The following FAM20C variants were observed in gnomAD, a reference collection of about 807,000 sequenced individuals.
FAM20C encodes the protein extracellular serine/threonine protein kinase FAM20C.
A neutral mutation model predicts 51.5 loss-of-function variants in FAM20C; 40 were observed. The ratio of observed to expected loss-of-function variants is 0.78; its 90% CI spans 0.60 to 1.01. FAM20C has a LOEUF of 1.01. Among genes scored for constraint, FAM20C ranks in the 50% least tolerant of loss-of-function variants. The pLI, the probability that FAM20C is intolerant of heterozygous loss-of-function variation, is 0.00. For missense variants in FAM20C, 861 were observed against 844.7 expected, an observed-to-expected ratio of 1.02 and a Z score of -0.24; for synonymous variants, 406 against 380.6, an observed-to-expected ratio of 1.07 and a Z score of -0.78.
chr7:210,008 T>C (rs1786628549), intron 3 of FAM20C, among the ~76,000 whole-genome samples: 1 of 151,984 alleles, frequency 6.6e-6, no homozygotes, highest in Non-Finnish European at 1.5e-5. Flanking sequence ...GACCCGGGGC[T>C]GCCGGGAGCC....
chr7:207,690 C>T (rs1046157016), intron 2 of FAM20C, among the ~76,000 whole-genome samples: 1 of 152,228 alleles, frequency 6.6e-6, no homozygotes, highest in Non-Finnish European at 1.5e-5. Flanking sequence ...CTGGTGTGGC[C>T]CCGTGAGGCC....
chr7:220,731 A>G (rs1787224486), intron 3 of FAM20C, among the ~76,000 whole-genome samples: 2 of 152,070 alleles, frequency 1.3e-5, no homozygotes, highest in South Asian at 2.1e-4. Flanking sequence ...GGAGGGCGGG[A>G]CCCGTGCACA....
intron 2 of FAM20C, among the ~76,000 whole-genome samples, chr7:205,468 G>A (rs1002924515): frequency 3.3e-5 from 5 of 152,102 alleles, no homozygotes; most frequent in Non-Finnish European, 5.9e-5. Flanking sequence ...TCAAACACTC[G>A]GCCTCGAGCA....
At chr7:215,095 C>T (rs912331961) in intron 3 of FAM20C, among the ~76,000 whole-genome samples, 1 of 151,866 alleles carries the variant, frequency 6.6e-6, no homozygotes, top group South Asian at 2.1e-4. Context: ...CTACGTGTGT[C>T]CAGTCTCCCA....
intron 2 of FAM20C, chr7:197,316 G>A (rs74674686): frequency 0.072 from 11,997 of 167,148 alleles, 777 homozygotes; most frequent in Admixed American, 0.23. Context: ...CAGCCAGGCC[G>A]TGTGGAGAGG....
intron 2 of FAM20C, among the ~76,000 whole-genome samples, chr7:202,926 G>C (rs1418545202): frequency 6.6e-6 from 1 of 152,216 alleles, no homozygotes. Flanking sequence ...TGCATGATAT[G>C]TTTTTATTGC....
At position 195,687 on chromosome 7, in the gene FAM20C, G is replaced by A. The variant is rs374098657; in HGVS notation, c.739G>A (p.Glu247Lys). Residue 247 changes from glutamate (E) to lysine (K), a missense_variant, in exon 2 of 10, where the codon GAG becomes AAG. Glu to Lys is a moderately conservative substitution (Grantham distance 56). Transcript: ENST00000313766. ...GTACTCCAGACACAACCCGGCCATC[G>A]AGGCCCTGCTGCACGACCTCAGCTC... ...ELYSRHNPAI[E>K]ALLHDLSSQR... The A allele has an allele frequency of 1.4e-4, 233 of 1,611,046 alleles. 1 individual carries two copies. The South Asian group carries it at 1.8e-3, about 12-fold the overall frequency.
chr7:233,451 G>A (rs1787759245), intron 3 of FAM20C, among the ~76,000 whole-genome samples: 1 of 152,176 alleles, frequency 6.6e-6, no homozygotes, highest in Non-Finnish European at 1.5e-5. Context: ...ACAAATCACG[G>A]CAAACGCAGT....
chr7:244,041 C>A (rs1052368852), intron 3 of FAM20C, among the ~76,000 whole-genome samples: 1 of 151,712 alleles, frequency 6.6e-6, no homozygotes, highest in Admixed American at 6.6e-5. Context: ...CTCAGGTGAT[C>A]CTCCCATCTC....
intron 3 of FAM20C, chr7:229,254 A>G (rs1787567872): frequency 4.3e-6 from 1 of 232,810 alleles, no homozygotes; most frequent in Admixed American, 5.1e-5. Flanking sequence ...CTTTTCTGTG[A>G]GGAATGCATT....
In FAM20C at chr7:192,989, G is replaced by T. The variant is rs965454021; in HGVS notation, c.-211G>T. The T allele has an allele frequency of 2.1e-4, 44 of 205,226 alleles. No homozygotes were observed. The highest frequency in any genetic ancestry group is 2.9e-4 in the Non-Finnish European group (31 of 108,670). The allele number at this position is 205,226 out of a possible 1,614,324, so 12.7% of individuals were successfully genotyped here. A position where few individuals can be genotyped will look rare whatever the true frequency, so the allele number is the denominator to read the frequency against. On this transcript the variant is annotated 5_prime_UTR_variant, in exon 1 of 10. Transcript: ENST00000313766. ...AGGGCGCGGCCGCTCCGGAGAGGCCGAGCGGGGACGGGCCCGAGATGGCGC... is the reference window on the plus strand; with the variant it reads ...AGGGCGCGGCCGCTCCGGAGAGGCCTAGCGGGGACGGGCCCGAGATGGCGC...
intron 3 of FAM20C, among the ~76,000 whole-genome samples, chr7:242,450 A>G (rs1366025666): frequency 6.7e-6 from 1 of 150,348 alleles, no homozygotes; most frequent in Non-Finnish European, 1.5e-5. Flanking sequence ...GAGAAAGCAG[A>G]AGGAGGAGGG....
At chr7:201,121 C>T (rs1786109329) in intron 2 of FAM20C, among the ~76,000 whole-genome samples, 1 of 152,208 alleles carries the variant, frequency 6.6e-6, no homozygotes, top group Non-Finnish European at 1.5e-5. Context: ...TCTGAGCCCT[C>T]TTTGGGTGAG....
intron 4 of FAM20C, among the ~76,000 whole-genome samples, chr7:247,414 G>A (rs182776836): frequency 4.5e-4 from 69 of 152,290 alleles, no homozygotes; most frequent in African/African-American, 1.6e-3. Context: ...GCCCTGACAC[G>A]TCCCAGCCTG....
chr7:193,537 C>T lies in FAM20C; in HGVS notation c.338C>T (p.Ala113Val). 6.7e-7 allele frequency: 1 copy of T among 1,493,632 alleles called. No homozygotes were observed. Among genetic ancestry groups the T allele is most frequent in the Non-Finnish European group, 8.9e-7 (1 of 1,118,396 alleles). 92.5% of individuals were successfully genotyped at this position (1,493,632 alleles called of 1,614,324 possible). A position where few individuals can be genotyped will look rare whatever the true frequency, so the allele number is the denominator to read the frequency against. ...CACTCGCTGGAGAAACTGCCGCCCG[C>T]GGCCGAGCCGGCCGAGCGCGCCTTG... ...SSHSLEKLPP[A>V]AEPAERALRG... The change falls in exon 1 of 10, where the codon GCG becomes GTG. Residue 113 changes from alanine (A) to valine (V), a missense_variant. Physicochemically the swap from Ala to Val is moderately conservative, Grantham distance 64. This residue lies in a region of FAM20C where 561 missense variants were observed against 499.8 expected (regional missense o/e 1.12). Coordinates refer to ENST00000313766, the MANE Select transcript of FAM20C (RefSeq NM_020223.4).
At chr7:195,485 C>T (rs758795084) in intron 1 of FAM20C, 69 bp from the exon 2 acceptor site, 11 of 1,346,808 alleles carry the variant, frequency 8.2e-6, no homozygotes, top group African/African-American at 1.5e-5. Flanking sequence ...CGTCGGTGCC[C>T]TCTCCCCGTC....
intron 2 of FAM20C, among the ~76,000 whole-genome samples, chr7:196,775 C>G (rs1313305028): frequency 6.6e-6 from 1 of 152,202 alleles, no homozygotes; most frequent in Non-Finnish European, 1.5e-5. Context: ...TTCTGGCTCT[C>G]TCTGCCGGGT....
In FAM20C at chr7:231,895, C is replaced by T. The variant is rs77767878; in HGVS notation, c.864-14520C>T. On this transcript the variant is annotated intron_variant, in intron 3 of 9. Transcript: ENST00000313766. ...CCCATCTGTGCCCAGGGGCCTGGGG[C>T]GGTCCTCTGTGCTGAGCAGGACACC... Among the ~76,000 whole-genome samples the T allele has an allele frequency of 9.6e-3, 1,454 of 152,248 alleles. 25 individuals carry two copies. The highest frequency in any genetic ancestry group is 0.034 in the African/African-American group (1,398 of 41,532).
chr7:241,057 G>A (rs1001783990), intron 3 of FAM20C, among the ~76,000 whole-genome samples: 1 of 147,384 alleles, frequency 6.8e-6, no homozygotes. Flanking sequence ...TGGGGCCGGG[G>A]CTTACGGGCT....
Sources: gnomAD v4.1 joint callset for allele counts (sites outside exome capture counted in the v4.1 genomes callset) on GRCh38, gnomAD v4.1.1 for gene constraint, gnomAD v4.1.1 regional missense constraint, MANE v1.5 for transcripts, NCBI Gene and HGNC (gene_info 2026-07-23, HGNC 2026-07-21) for gene names.